ST6GAL1: variants seen among roughly 807,000 people sequenced by gnomAD.
ST6GAL1 encodes the protein beta-galactoside alpha-2,6-sialyltransferase 1.
A neutral mutation model predicts 38.0 loss-of-function variants in ST6GAL1; 20 were observed. The observed-to-expected ratio is 0.53, with a 90% CI of 0.37 to 0.77. The LOEUF (loss-of-function observed/expected upper bound fraction) is 0.77. Among genes scored for constraint, ST6GAL1 ranks in the 30% least tolerant of loss-of-function variants. The pLI is 0.00. For synonymous variants in ST6GAL1, 196 were observed against 188.2 expected (o/e 1.04, Z -0.34); for missense variants, 432 against 496.4 (o/e 0.87, Z 1.23).
chr3:186,951,939 A>G (rs889783071), intron 1 of ST6GAL1, among the ~76,000 whole-genome samples: 4 of 152,206 alleles, frequency 2.6e-5, no homozygotes, highest in Non-Finnish European at 5.9e-5. Context: ...CTCATGTGCT[A>G]ACAGGGCTCA....
intron 2 of ST6GAL1, among the ~76,000 whole-genome samples, chr3:187,026,711 T>A (rs1717548784): frequency 6.6e-6 from 1 of 152,194 alleles, no homozygotes; most frequent in South Asian, 2.1e-4. Context: ...GAACCAAATT[T>A]TTTTTCCCAA....
chr3:186,955,006 G>T (rs1714700536), intron 1 of ST6GAL1, among the ~76,000 whole-genome samples: 1 of 152,162 alleles, frequency 6.6e-6, no homozygotes, highest in Middle Eastern at 3.4e-3. Flanking sequence ...TTAATTTTTG[G>T]GTAAGGTATA....
intron 1 of ST6GAL1, among the ~76,000 whole-genome samples, chr3:186,945,297 C>A (rs1189150413): frequency 1.3e-5 from 2 of 149,580 alleles, no homozygotes; most frequent in Admixed American, 6.6e-5. Flanking sequence ...AAGAGCAAGA[C>A]CCTGTCTCTA....
chr3:186,987,387 C>T (rs1167091790), intron 2 of ST6GAL1, among the ~76,000 whole-genome samples: 2 of 152,144 alleles, frequency 1.3e-5, no homozygotes, highest in African/African-American at 4.8e-5. Context: ...AGGTAACCTA[C>T]CCAAGGTCCA....
chr3:186,992,531 C>A (rs191218797), intron 2 of ST6GAL1, among the ~76,000 whole-genome samples: 50 of 152,242 alleles, frequency 3.3e-4, no homozygotes, highest in Admixed American at 3.3e-3. Context: ...CGGTGGCTCC[C>A]GCCTGTAATC....
intron 1 of ST6GAL1, among the ~76,000 whole-genome samples, chr3:186,962,636 G>T (rs1003238200): frequency 6.6e-6 from 1 of 152,162 alleles, no homozygotes; most frequent in Non-Finnish European, 1.5e-5. Context: ...GAAGCCTGAA[G>T]AATTTGGAAG....
Position 187,075,475 on chromosome 3 carries a change from G to A in ST6GAL1, c.980-87G>A, listed in dbSNP as rs200930590. ...CAGAGGGAAAGCTCTCCAAATTTGGGGTCATGAGCTGCTGAACCCACTGGG... is the reference window on the plus strand; with the variant it reads ...CAGAGGGAAAGCTCTCCAAATTTGGAGTCATGAGCTGCTGAACCCACTGGG... On this transcript the variant is annotated intron_variant, in intron 7 of 7. Transcript: ENST00000169298. The surrounding 1 kb of genome is among the most constrained non-coding windows in gnomAD (Gnocchi z 4.1). 2,444 of 1,543,692 alleles carry A rather than the reference G, an allele frequency of 1.6e-3. 5 individuals are homozygous for A. The highest frequency in any genetic ancestry group is 1.9e-3 in the Non-Finnish European group (2,159 of 1,143,492).
In ST6GAL1 at chr3:187,024,041, T is replaced by G. The variant is rs1717427241; in HGVS notation, c.-182-14701T>G. ...TAGACTACCAGGACTTAGATCCTTTTGGGTATATATATACATATATATGTT... is the reference window on the plus strand; with the variant it reads ...TAGACTACCAGGACTTAGATCCTTTGGGGTATATATATACATATATATGTT... On this transcript the variant is annotated intron_variant, in intron 2 of 7. Coordinates refer to ENST00000169298, the MANE Select transcript of ST6GAL1 (RefSeq NM_173216.2). Among the ~76,000 whole-genome samples the G allele has an allele frequency of 2.6e-5, 4 of 151,830 alleles. No individual in the cohort carries two copies. In the South Asian group the frequency reaches 8.3e-4, roughly 31 times the overall value.
At chr3:186,989,864 C>T (rs1716095250) in intron 2 of ST6GAL1, among the ~76,000 whole-genome samples, 1 of 152,186 alleles carries the variant, frequency 6.6e-6, no homozygotes, top group African/African-American at 2.4e-5. Context: ...TCCTGGATGT[C>T]CTTCCAGCAC....
intron 1 of ST6GAL1, among the ~76,000 whole-genome samples, chr3:186,953,101 G>C (rs182196000): frequency 6.6e-6 from 1 of 152,286 alleles, no homozygotes; most frequent in East Asian, 1.9e-4. Flanking sequence ...TTTCACAACT[G>C]AGCCTCCTGC....
chr3:186,966,774 C>T (rs1303072892), intron 2 of ST6GAL1, among the ~76,000 whole-genome samples: 1 of 152,132 alleles, frequency 6.6e-6, no homozygotes, highest in African/African-American at 2.4e-5. Context: ...GCTGGGCCCC[C>T]AGATCTCCCC....
At chr3:186,945,039 C>T (rs1377468795) in intron 1 of ST6GAL1, among the ~76,000 whole-genome samples, 1 of 152,158 alleles carries the variant, frequency 6.6e-6, no homozygotes, top group Non-Finnish European at 1.5e-5. Context: ...TTTACAGAGG[C>T]CAGGTGAGGT....
chr3:187,054,973 G>C lies in ST6GAL1; in HGVS notation c.705+3627G>C, dbSNP rs149095305. On this transcript the variant is annotated intron_variant, in intron 5 of 7. Coordinates refer to ENST00000169298, the MANE Select transcript of ST6GAL1 (RefSeq NM_173216.2). ...GCTATTAGTTATTGCCTCAATTTCA[G>C]AGCCTGTTATTGGTCTATTCAGAGA... Among the ~76,000 whole-genome samples, 759 of 152,264 alleles carry C rather than the reference G, an allele frequency of 5.0e-3. 8 individuals are homozygous for C. In the East Asian group the frequency reaches 0.061, roughly 12 times the overall value.
intron 1 of ST6GAL1, among the ~76,000 whole-genome samples, chr3:186,943,436 C>T (rs1402734706): frequency 6.6e-6 from 1 of 152,096 alleles, no homozygotes; most frequent in East Asian, 1.9e-4. Context: ...CTATTATTAT[C>T]TCAATTTTTT....
chr3:187,009,772 G>T (rs1480909192), intron 2 of ST6GAL1, among the ~76,000 whole-genome samples: 1 of 152,228 alleles, frequency 6.6e-6, no homozygotes, highest in Non-Finnish European at 1.5e-5. Flanking sequence ...TTGGTAGGCT[G>T]AGGCGGGTGG....
intron 2 of ST6GAL1, among the ~76,000 whole-genome samples, chr3:187,033,339 G>A (rs1425056558): frequency 2.0e-5 from 3 of 151,962 alleles, no homozygotes; most frequent in African/African-American, 2.4e-5. Context: ...CATGAACCTC[G>A]GGGGTGGAGC....
chr3:186,933,064 G>C (rs1713816217), intron 1 of ST6GAL1, among the ~76,000 whole-genome samples: 1 of 152,202 alleles, frequency 6.6e-6, no homozygotes, highest in African/African-American at 2.4e-5. Context: ...GCCAAGCTAC[G>C]AGTTAAATCC....
intron 2 of ST6GAL1, among the ~76,000 whole-genome samples, chr3:186,993,998 G>A (rs1716272921): frequency 2.0e-5 from 3 of 152,090 alleles, no homozygotes; most frequent in Non-Finnish European, 4.4e-5. Flanking sequence ...GGGTCTCTGT[G>A]GCCTGAAGCA....
intron 1 of ST6GAL1, among the ~76,000 whole-genome samples, chr3:186,962,450 G>A (rs1226705460): frequency 5.3e-5 from 8 of 152,202 alleles, no homozygotes. Context: ...AGTCAGACTT[G>A]GAGAACTGCA....
Sources: gnomAD v4.1 joint callset for allele counts (sites outside exome capture counted in the v4.1 genomes callset) on GRCh38, gnomAD v4.1.1 for gene constraint, Gnocchi (gnomAD v3.1) non-coding constraint, MANE v1.5 for transcripts, NCBI Gene and HGNC (gene_info 2026-07-23, HGNC 2026-07-21) for gene names.